Variants in PLEKHA5 observed in about 807,000 individuals in gnomAD.
PLEKHA5 encodes the protein pleckstrin homology domain-containing family A member 5.
A neutral mutation model predicts 181.9 loss-of-function variants in PLEKHA5; 55 were observed. The observed-to-expected ratio is 0.30, with a 90% CI of 0.24 to 0.38. The LOEUF (loss-of-function observed/expected upper bound fraction) is 0.38. PLEKHA5 is among the 10% of genes least tolerant of loss of function. The pLI is 1.00. For synonymous variants in PLEKHA5, 535 were observed against 529.4 expected (o/e 1.01, Z -0.15); for missense variants, 1,432 against 1,549.5 (o/e 0.92, Z 1.27).
At position 19,322,381 on chromosome 12, in the gene PLEKHA5, C is replaced by G; in HGVS notation, c.2289C>G (p.His763Gln). 1 of 1,609,692 alleles carries G rather than the reference C, an allele frequency of 6.2e-7. No individual in the cohort carries two copies. The highest frequency in any genetic ancestry group is 8.5e-7 in the Non-Finnish European group (1 of 1,176,110). Reference protein sequence around the residue: ...HALEEKLQQLHKEKYTLEQAL... With the variant: ...HALEEKLQQLQKEKYTLEQAL... ...TGGAAGAGAAACTTCAGCAACTCCA[C>G]AAGGAGAAAGTAGGACAATTATGTT... Residue 763 changes from histidine (H) to glutamine (Q), a missense_variant, in exon 19 of 32, where the codon CAC (histidine) becomes CAG (glutamine). Coordinates refer to ENST00000429027, the MANE Select transcript of PLEKHA5 (RefSeq NM_001256470.2).
chr12:19,200,650 G>A, intron 3 of PLEKHA5: 1 of 1,073,714 alleles, frequency 9.3e-7, no homozygotes, highest in Non-Finnish European at 1.1e-6. Flanking sequence ...AAATCTGTCT[G>A]TATCTTCATT....
intron 10 of PLEKHA5, among the ~76,000 whole-genome samples, chr12:19,270,476 A>G (rs11835239): frequency 6.6e-4 from 101 of 152,208 alleles, no homozygotes; most frequent in African/African-American, 2.4e-3. Flanking sequence ...TTGTTTCCAA[A>G]TCCACTTCTT....
intron 3 of PLEKHA5, chr12:19,200,188 T>C (rs1308437914): frequency 8.3e-6 from 5 of 605,054 alleles, no homozygotes; most frequent in Admixed American, 2.9e-5. Context: ...TCCCCTCAAA[T>C]AACCTAACTT....
intron 20 of PLEKHA5, among the ~76,000 whole-genome samples, chr12:19,332,127 A>G (rs2092904669): frequency 6.6e-6 from 1 of 151,900 alleles, no homozygotes; most frequent in East Asian, 1.9e-4. Context: ...TTAAAAAATT[A>G]TCTGGACATG....
chr12:19,307,148 C>A, intron 15 of PLEKHA5: 1 of 806,864 alleles, frequency 1.2e-6, no homozygotes, highest in Non-Finnish European at 2.2e-6. Context: ...CTTGTTTCAC[C>A]AAGTCTGAAA....
At chr12:19,242,186 T>C (rs1444168511) in intron 3 of PLEKHA5, among the ~76,000 whole-genome samples, 1 of 152,138 alleles carries the variant, frequency 6.6e-6, no homozygotes, top group East Asian at 1.9e-4. Flanking sequence ...CTTTCAAAAT[T>C]GCTTTAAATT....
intron 28 of PLEKHA5, among the ~76,000 whole-genome samples, chr12:19,360,754 A>G (rs1444097960): frequency 8.4e-6 from 1 of 118,646 alleles, no homozygotes. Context: ...TCTTAGCAAT[A>G]TGCACCATCT....
At chr12:19,253,064 C>CTTTTTTTTTGTTTTTTT (rs2065791288) in intron 3 of PLEKHA5, among the ~76,000 whole-genome samples, 1 of 45,834 alleles carries the variant, frequency 2.2e-5, no homozygotes, top group Non-Finnish European at 4.6e-5. Flanking sequence ...ATCAACTTAC[C>CTTTTTTTTTGTTTTTTT]TTTTTTTTTT....
chr12:19,166,633 T>A (rs2044461143), intron 3 of PLEKHA5, among the ~76,000 whole-genome samples: 1 of 152,234 alleles, frequency 6.6e-6, no homozygotes, highest in Non-Finnish European at 1.5e-5. Flanking sequence ...CAGATCATGA[T>A]TTCTCTACTC....
intron 3 of PLEKHA5, among the ~76,000 whole-genome samples, chr12:19,246,633 AT>A (rs1366934850): frequency 1.1e-3 from 163 of 151,328 alleles, no homozygotes; most frequent in Middle Eastern, 3.4e-3. Context: ...AAAAAAAACA[AT>A]CTAGTACATT....
intron 15 of PLEKHA5, among the ~76,000 whole-genome samples, chr12:19,298,792 T>A (rs751042389): frequency 6.6e-6 from 1 of 152,206 alleles, no homozygotes; most frequent in Non-Finnish European, 1.5e-5. Flanking sequence ...CACAAGCATT[T>A]ATTGAATACA....
chr12:19,366,962 C>T (rs542707213), intron 30 of PLEKHA5, among the ~76,000 whole-genome samples: 6 of 152,090 alleles, frequency 3.9e-5, no homozygotes, highest in East Asian at 1.9e-4. Flanking sequence ...CTGTTGCCAG[C>T]GCTGGAGTGC....
intron 3 of PLEKHA5, among the ~76,000 whole-genome samples, chr12:19,230,422 C>T (rs749081470): frequency 2.0e-5 from 3 of 152,090 alleles, no homozygotes; most frequent in South Asian, 2.1e-4. Flanking sequence ...CGGTGCTCGT[C>T]GGGGAGGCTT....
chr12:19,247,935 A>AG (rs763263096), intron 3 of PLEKHA5, among the ~76,000 whole-genome samples: 8 of 150,398 alleles, frequency 5.3e-5, no homozygotes, highest in African/African-American at 7.3e-5. Flanking sequence ...TTAAAAAAAA[A>AG]AGAGAGAGAG....
chr12:19,251,595 C>G (rs574888669), intron 3 of PLEKHA5, among the ~76,000 whole-genome samples: 1 of 151,684 alleles, frequency 6.6e-6, no homozygotes, highest in African/African-American at 2.4e-5. Flanking sequence ...TCTAGAGTCT[C>G]TCACAGATAA....
chr12:19,298,794 T>C (rs186152977), intron 15 of PLEKHA5, among the ~76,000 whole-genome samples: 319 of 152,316 alleles, frequency 2.1e-3, no homozygotes, highest in South Asian at 2.1e-3. Flanking sequence ...CAAGCATTTA[T>C]TGAATACATC....
At chr12:19,259,954 G>GTTTTTTC (rs1192286819) in intron 6 of PLEKHA5, among the ~76,000 whole-genome samples, 2 of 151,474 alleles carry the variant, frequency 1.3e-5, no homozygotes, top group East Asian at 1.9e-4. Context: ...CTGGCCTCTC[G>GTTTTTTC]TTTTTTCTTT....
chr12:19,297,377 C>G (rs1028249629), intron 15 of PLEKHA5, among the ~76,000 whole-genome samples: 13 of 148,878 alleles, frequency 8.7e-5, no homozygotes, highest in Non-Finnish European at 1.9e-4. Flanking sequence ...AATCCCAGCA[C>G]TTTGGGAGGC....
At chr12:19,185,476 A>G (rs1006843760) in intron 3 of PLEKHA5, among the ~76,000 whole-genome samples, 12 of 152,192 alleles carry the variant, frequency 7.9e-5, no homozygotes, top group Admixed American at 2.0e-4. Flanking sequence ...AGAGAAAGAC[A>G]GAGAGAGGAG....
Sources: allele counts gnomAD v4.1 joint callset (sites outside exome capture counted in the v4.1 genomes callset), GRCh38; gene constraint gnomAD v4.1.1; transcripts MANE v1.5; gene names NCBI Gene and HGNC (gene_info 2026-07-23, HGNC 2026-07-21).